PATZ1: variants seen among roughly 807,000 people sequenced by gnomAD.
PATZ1 encodes the protein POZ-, AT hook-, and zinc finger-containing protein 1.
PATZ1 carries 9 observed loss-of-function variants against 46.2 expected under a neutral mutation model. The ratio of observed to expected loss-of-function variants is 0.19; its 90% confidence interval spans 0.12 to 0.34. The LOEUF is 0.34. PATZ1 is among the 10% of genes least tolerant of loss of function. The pLI, the probability that PATZ1 is intolerant of heterozygous loss-of-function variation, is 1.00. For missense variants in PATZ1, 632 were observed against 923.0 expected, an observed-to-expected ratio of 0.68 and a Z score of 4.08; for synonymous variants, 426 against 378.6, an observed-to-expected ratio of 1.13 and a Z score of -1.45.
Position 31,345,096 on chromosome 22 carries a change from G to C in PATZ1, c.507C>G (p.Arg169=), listed in dbSNP as rs756985438. The C allele has an allele frequency of 6.2e-7, 1 of 1,614,096 alleles. No individual in the cohort carries two copies. Residue 169 remains arginine, a synonymous_variant, in exon 1 of 5, where the codon CGC becomes CGG. Transcript: ENST00000266269. This position sits in a 1 kb window ranked among gnomAD's most constrained non-coding sequence, Gnocchi z 7.4. ...SNVQILVPPA[R]ADIMLFRPPG... ...GGGGGCGAAAGAGCATTATATCGGCGCGGGCAGGGGGTACCAGGATCTGTA... is the reference window on the plus strand; with the variant it reads ...GGGGGCGAAAGAGCATTATATCGGCCCGGGCAGGGGGTACCAGGATCTGTA...
rs765537425 is a variant in PATZ1, at chr22:31,327,261, T to C, written c.1694A>G (p.Tyr565Cys). The change falls in exon 5 of 5, where the codon TAT (tyrosine) becomes TGT (cysteine). Residue 565 changes from tyrosine (Y) to cysteine (C), a missense_variant. Physicochemically the swap from Tyr to Cys is radical, Grantham distance 194. Coordinates refer to ENST00000266269, the MANE Select transcript of PATZ1 (RefSeq NM_014323.3). This position sits in a 1 kb window ranked among gnomAD's most constrained non-coding sequence, Gnocchi z 4.2. ...HQDPIESSDS[Y>C]GDLSDASDLK... Reference sequence around the variant, plus strand: ...GTCGCTGGCATCTGAGAGGTCACCATAGGAGTCAGAGCTCTCAATCGGATC... The same window carrying C: ...GTCGCTGGCATCTGAGAGGTCACCACAGGAGTCAGAGCTCTCAATCGGATC... The C allele has an allele frequency of 1.2e-6, 2 of 1,614,198 alleles. No homozygotes were observed. The highest frequency in any genetic ancestry group is 1.7e-6 in the Non-Finnish European group (2 of 1,180,040).
intron 3 of PATZ1, among the ~76,000 whole-genome samples, chr22:31,330,973 G>A (rs1265319285): frequency 6.6e-6 from 1 of 152,226 alleles, no homozygotes; most frequent in Non-Finnish European, 1.5e-5. Context: ...GGAAATGTGG[G>A]ATTGGGCCAA....
chr22:31,326,373 C>T lies in PATZ1; in HGVS notation c.*518G>A, dbSNP rs529460847. On this transcript the variant is annotated 3_prime_UTR_variant, in exon 5 of 5. Transcript: ENST00000266269. ...GAGCTCAGGGGGCTCTTGGAGGACA[C>T]TCACCCCATGGTCCATGGGATGCTT... The T allele has an allele frequency of 1.7e-5, 4 of 231,458 alleles. No homozygotes were observed. Among genetic ancestry groups the T allele is most frequent in the South Asian group, 1.8e-4 (1 of 5,522 alleles). The allele number at this position is 231,458 out of a possible 1,614,324, so 14.3% of individuals were successfully genotyped here. A position where few individuals can be genotyped will look rare whatever the true frequency, so the allele number is the denominator to read the frequency against.
chr22:31,327,974 C>G lies in PATZ1; in HGVS notation c.1646-665G>C, dbSNP rs2049388620. On this transcript the variant is annotated intron_variant, in intron 4 of 4. Transcript: ENST00000266269. The surrounding 1 kb of genome is among the most constrained non-coding windows in gnomAD (Gnocchi z 4.2). ...GGGTGTCCCCACCCTAGGCCCCAGA[C>G]AAGCTGGGCCAAGAGACAACCCTGG... Among the ~76,000 whole-genome samples the G allele has an allele frequency of 1.3e-5, 2 of 152,236 alleles. No homozygotes were observed. The highest frequency in any genetic ancestry group is 2.9e-5 in the Non-Finnish European group (2 of 68,048).
Position 31,345,580 on chromosome 22 carries a change from G to A in PATZ1, c.23C>T (p.Ser8Leu). The A allele has an allele frequency of 6.3e-7, 1 of 1,595,458 alleles. No homozygotes were observed. Among genetic ancestry groups the A allele is most frequent in the Admixed American group, 1.7e-5 (1 of 59,338 alleles). Residue 8 changes from serine (S) to leucine (L), a missense_variant, in exon 1 of 5, where the codon TCG (serine) becomes TTG (leucine). This residue lies in a region of PATZ1 where 30 missense variants were observed against 27.7 expected (regional missense o/e 1.08). Transcript: ENST00000266269. This position sits in a 1 kb window ranked among gnomAD's most constrained non-coding sequence, Gnocchi z 7.4. ...TGTGTAGCAGCCAGACGGGCCGCAC[G>A]AAGCGTCGTTCACCCGCTCCATGGC... MERVNDA[S>L]CGPSGCYTYQ...
chr22:31,330,821 G>A (rs1306308307), intron 3 of PATZ1, among the ~76,000 whole-genome samples: 2 of 152,130 alleles, frequency 1.3e-5, no homozygotes, highest in East Asian at 1.9e-4. Context: ...TTTACAATAG[G>A]TTTCATTATT....
chr22:31,339,674 CTTAG>C (rs934532488), intron 2 of PATZ1, among the ~76,000 whole-genome samples: 7 of 152,122 alleles, frequency 4.6e-5, no homozygotes, highest in Admixed American at 1.3e-4. Context: ...CAGCCCTGTG[CTTAG>C]TTAGACAGCC....
intron 2 of PATZ1, chr22:31,341,423 G>C (rs746829881): frequency 6.4e-7 from 1 of 1,566,414 alleles, no homozygotes; most frequent in Non-Finnish European, 8.6e-7. Context: ...CAGGCCACTG[G>C]GTAAAGGCCC....
intron 3 of PATZ1, among the ~76,000 whole-genome samples, chr22:31,332,345 G>A (rs2049454240): frequency 6.6e-6 from 1 of 152,148 alleles, no homozygotes; most frequent in Non-Finnish European, 1.5e-5. Flanking sequence ...GACATATTTA[G>A]CCGGAATTCT....
Position 31,327,433 on chromosome 22 carries a change from G to C in PATZ1, c.1646-124C>G. 1 of 790,618 alleles carries C rather than the reference G, an allele frequency of 1.3e-6. No homozygotes were observed. Among genetic ancestry groups the C allele is most frequent in the African/African-American group, 1.7e-5 (1 of 57,934 alleles). The allele number at this position is 790,618 out of a possible 1,614,324, so 49.0% of individuals were successfully genotyped here. On this transcript the variant is annotated intron_variant, in intron 4 of 4. Transcript: ENST00000266269. This position sits in a 1 kb window ranked among gnomAD's most constrained non-coding sequence, Gnocchi z 4.2. ...GCAGCCATTGGCCAGCCACTGCCCT[G>C]GCAGAACCCACGGAGGGTCAGCTGG...
At chr22:31,343,503 A>G (rs1404294689) in intron 1 of PATZ1, 9 of 905,294 alleles carry the variant, frequency 9.9e-6, no homozygotes, top group African/African-American at 1.8e-5. Context: ...GGGCTGCCTG[A>G]CCGGTAAGAC....
rs1380801626 is a variant in PATZ1, at chr22:31,326,167, TAATAAC to T, written c.*718_*723del. 9.0e-6 allele frequency: 2 copies of T among 221,912 alleles called. No individual in the cohort carries two copies. The highest frequency in any genetic ancestry group is 6.6e-5 in the East Asian group (1 of 15,208). The allele number at this position is 221,912 out of a possible 1,614,324, so 13.7% of individuals were successfully genotyped here. A position where few individuals can be genotyped will look rare whatever the true frequency, so the allele number is the denominator to read the frequency against. On this transcript the variant is annotated 3_prime_UTR_variant, in exon 5 of 5. Coordinates refer to ENST00000266269, the MANE Select transcript of PATZ1 (RefSeq NM_014323.3). Reference sequence around the variant, plus strand: ...ATTCACTACAACTGGTCCTAAAAAATAATAACAATAATAATAATAATTAGAGAATTA... The same window carrying T: ...ATTCACTACAACTGGTCCTAAAAAATAATAATAATAATAATTAGAGAATTA...
At chr22:31,337,141 T>C (rs2049521989) in intron 2 of PATZ1, among the ~76,000 whole-genome samples, 2 of 151,758 alleles carry the variant, frequency 1.3e-5, no homozygotes, top group African/African-American at 4.8e-5. Context: ...AACGTTAAGC[T>C]GGGGAAGTGC....
At position 31,345,477 on chromosome 22, in the gene PATZ1, G is replaced by A; in HGVS notation, c.126C>T (p.Asp42=). 1 of 1,612,196 alleles carries A rather than the reference G, an allele frequency of 6.2e-7. No individual in the cohort carries two copies. The highest frequency in any genetic ancestry group is 8.5e-7 in the Non-Finnish European group (1 of 1,179,644). Residue 42 remains aspartate, a synonymous_variant, in exon 1 of 5, where the codon GAC becomes GAT. Transcript: ENST00000266269. The surrounding 1 kb of genome is among the most constrained non-coding windows in gnomAD (Gnocchi z 7.4). ...TCTCGTCGCCTACCCGCAAGAGCAC[G>A]TCGCAGAAGCGCCCGCCGTTTTTGC... ...QQRKNGGRFC[D]VLLRVGDESF... is the part of the protein sequence containing the mutation.
Position 31,325,999 on chromosome 22 carries a change from A to C in PATZ1, c.*892T>G, listed in dbSNP as rs2049367369. The C allele has an allele frequency of 1.4e-5, 3 of 212,246 alleles. No individual in the cohort carries two copies. The highest frequency in any genetic ancestry group is 1.9e-5 in the Non-Finnish European group (2 of 104,572). 13.1% of individuals were successfully genotyped at this position (212,246 alleles called of 1,614,324 possible). A position where few individuals can be genotyped will look rare whatever the true frequency, so the allele number is the denominator to read the frequency against. On this transcript the variant is annotated 3_prime_UTR_variant, in exon 5 of 5. Coordinates refer to ENST00000266269, the MANE Select transcript of PATZ1 (RefSeq NM_014323.3). Reference sequence around the variant, plus strand: ...AGACTGGCATTTTTTAAAATTTTGCATAAAACTATTTCTTCCATAGACTTC... The same window carrying C: ...AGACTGGCATTTTTTAAAATTTTGCCTAAAACTATTTCTTCCATAGACTTC...
At chr22:31,336,481 A>G (rs954055542) in intron 2 of PATZ1, among the ~76,000 whole-genome samples, 2 of 152,128 alleles carry the variant, frequency 1.3e-5, no homozygotes, top group Non-Finnish European at 2.9e-5. Flanking sequence ...CGACATGAGA[A>G]TTAGCAGACA....
Position 31,345,190 on chromosome 22 carries a change from G to A in PATZ1, c.413C>T (p.Thr138Met), listed in dbSNP as rs1191199632. The change falls in exon 1 of 5, where the codon ACG becomes ATG. Residue 138 changes from threonine to methionine, a missense_variant. Physicochemically the swap from Thr to Met is moderately conservative, Grantham distance 81. Coordinates refer to ENST00000266269, the MANE Select transcript of PATZ1 (RefSeq NM_014323.3). This position sits in a 1 kb window ranked among gnomAD's most constrained non-coding sequence, Gnocchi z 7.4. ...VRLESFPELM[T>M]AAKFLLMRSV... ...CCTCATCAGCAGGAACTTGGCGGCC[G>A]TCATGAGTTCGGGAAAGCTCTCCAA... 6.2e-7 allele frequency: 1 copy of A among 1,614,028 alleles called. No homozygotes were observed. The highest frequency in any genetic ancestry group is 1.3e-5 in the African/African-American group (1 of 74,924).
At chr22:31,329,990 T>C (rs558758398) in intron 3 of PATZ1, among the ~76,000 whole-genome samples, 2 of 152,358 alleles carry the variant, frequency 1.3e-5, no homozygotes, top group Non-Finnish European at 2.9e-5. Context: ...ACTTCAGATC[T>C]GGTTGACTCA....
rs2049644686 is a variant in PATZ1 at position 31,345,633 on chromosome 22, C to CTAGG, written c.-32_-31insCCTA. The CTAGG allele has an allele frequency of 6.4e-7, 1 of 1,551,986 alleles. No homozygotes were observed. The highest frequency in any genetic ancestry group is 1.8e-5 in the Admixed American group (1 of 55,844). On this transcript the variant is annotated 5_prime_UTR_variant, in exon 1 of 5. Transcript: ENST00000266269. The surrounding 1 kb of genome is among the most constrained non-coding windows in gnomAD (Gnocchi z 7.4). ...CCGCCCCCTCCCACTAGCCCGGCCG[C>CTAGG]TGCACCTGCCCGCCCCCTCCCTTCC... is the stretch of plus-strand genomic sequence containing the variant.
Sources: allele counts gnomAD v4.1 joint callset (sites outside exome capture counted in the v4.1 genomes callset), GRCh38; gene constraint gnomAD v4.1.1; regional missense constraint gnomAD v4.1.1; non-coding constraint Gnocchi (gnomAD v3.1); transcripts MANE v1.5; gene names NCBI Gene and HGNC (gene_info 2026-07-23, HGNC 2026-07-21).